ZNF385D: variants seen among roughly 807,000 people sequenced by gnomAD.
ZNF385D encodes zinc finger protein 385D, also known as zinc finger protein 659.
Under a neutral mutation model 35.8 loss-of-function variants are expected in ZNF385D, and 15 were observed. The observed-to-expected ratio is 0.42, with a 90% CI of 0.28 to 0.64. The LOEUF (loss-of-function observed/expected upper bound fraction) is 0.64. Ranked by LOEUF, ZNF385D falls within the 30% of genes least tolerant of loss-of-function variation. The pLI, the probability that ZNF385D is intolerant of heterozygous loss-of-function variation, is 0.23. For synonymous variants in ZNF385D, 212 were observed against 186.8 expected, an observed-to-expected ratio of 1.13 and a Z score of -1.10; for missense variants, 474 against 494.6, an observed-to-expected ratio of 0.96 and a Z score of 0.39.
intron 2 of ZNF385D, among the ~76,000 whole-genome samples, chr3:22,210,251 A>C (rs1355836055): frequency 6.6e-6 from 1 of 151,892 alleles, no homozygotes; most frequent in Non-Finnish European, 1.5e-5. Context: ...TCATTTTTAC[A>C]TTAATTAATA....
At chr3:22,363,145 G>A (rs1360803521) in intron 2 of ZNF385D, among the ~76,000 whole-genome samples, 1 of 117,606 alleles carries the variant, frequency 8.5e-6, no homozygotes, top group Admixed American at 8.7e-5. Context: ...TGGCAGCAGA[G>A]GGCAAGGTCT....
intron 3 of ZNF385D, among the ~76,000 whole-genome samples, chr3:21,964,636 C>A (rs537484727): frequency 6.6e-6 from 1 of 151,580 alleles, no homozygotes; most frequent in Non-Finnish European, 1.5e-5. Context: ...TTTACAGGTG[C>A]CTGCCACCAT....
intron 3 of ZNF385D, among the ~76,000 whole-genome samples, chr3:21,520,487 C>A (rs888620467): frequency 6.6e-6 from 1 of 152,126 alleles, no homozygotes; most frequent in African/African-American, 2.4e-5. Context: ...CTCTGTCATT[C>A]TTTGGCACTT....
intron 1 of ZNF385D, among the ~76,000 whole-genome samples, chr3:21,716,157 G>C (rs192890421): frequency 6.6e-6 from 1 of 151,982 alleles, no homozygotes; most frequent in African/African-American, 2.4e-5. Context: ...ACTCTTATAC[G>C]TGGCACCATC....
At chr3:21,517,917 A>G (rs1480547634) in intron 3 of ZNF385D, among the ~76,000 whole-genome samples, 1 of 152,200 alleles carries the variant, frequency 6.6e-6, no homozygotes, top group African/African-American at 2.4e-5. Context: ...CAATCTTAAC[A>G]TCATAGTGTG....
chr3:21,417,236 G>T lies in ZNF385D; in HGVS notation c.*3978C>A, dbSNP rs936164394. ...ATAAAAGCAATGCCCCTCTAGTGCT[G>T]ATGTATTAAACCAGCTTAGCTATTA... On this transcript the variant is annotated 3_prime_UTR_variant, in exon 8 of 8. Transcript: ENST00000281523. 2.0e-5 allele frequency: 3 copies of T among 152,020 alleles called. No homozygotes were observed. The highest frequency in any genetic ancestry group is 2.9e-5 in the Non-Finnish European group (2 of 67,978). The allele number at this position is 152,020 out of a possible 1,614,324, so 9.4% of individuals were successfully genotyped here. A position where few individuals can be genotyped will look rare whatever the true frequency, so the allele number is the denominator to read the frequency against.
At chr3:21,482,586 C>T (rs1486201215) in intron 4 of ZNF385D, among the ~76,000 whole-genome samples, 1 of 152,150 alleles carries the variant, frequency 6.6e-6, no homozygotes, top group South Asian at 2.1e-4. Context: ...CAAAGCTGAA[C>T]TTTTGCCCTT....
chr3:22,013,918 G>T (rs114756882), intron 3 of ZNF385D, among the ~76,000 whole-genome samples: 1 of 151,988 alleles, frequency 6.6e-6, no homozygotes, highest in South Asian at 2.1e-4. Context: ...CTTCAAGAAT[G>T]CTGAGTTAAG....
At chr3:21,989,019 C>G (rs569258878) in intron 3 of ZNF385D, among the ~76,000 whole-genome samples, 1 of 152,084 alleles carries the variant, frequency 6.6e-6, no homozygotes, top group Non-Finnish European at 1.5e-5. Context: ...GGCTCGCGCA[C>G]GGTGCGCGCA....
chr3:21,891,209 C>CGTTATTGTT (rs921067619), intron 3 of ZNF385D, among the ~76,000 whole-genome samples: 1 of 151,946 alleles, frequency 6.6e-6, no homozygotes, highest in Non-Finnish European at 1.5e-5. Context: ...ACAGATATTT[C>CGTTATTGTT]GTTATTGTTA....
chr3:22,372,157 G>A (rs923988015), intron 2 of ZNF385D, among the ~76,000 whole-genome samples: 5 of 152,110 alleles, frequency 3.3e-5, no homozygotes, highest in Non-Finnish European at 2.9e-5. Flanking sequence ...TTGGTTCTCG[G>A]CAATGAGCTG....
intron 1 of ZNF385D, among the ~76,000 whole-genome samples, chr3:21,704,131 T>TAC (rs1374091180): frequency 1.3e-5 from 2 of 152,204 alleles, no homozygotes; most frequent in African/African-American, 4.8e-5. Flanking sequence ...TAGAACAGAT[T>TAC]ACTCTAGGGT....
chr3:22,070,642 G>C (rs575660863), intron 3 of ZNF385D, among the ~76,000 whole-genome samples: 135 of 152,016 alleles, frequency 8.9e-4, no homozygotes, highest in African/African-American at 3.1e-3. Flanking sequence ...GTAAGTCCAG[G>C]GTAGAGGACA....
chr3:21,981,786 G>C (rs1295838195), intron 3 of ZNF385D, among the ~76,000 whole-genome samples: 2 of 152,098 alleles, frequency 1.3e-5, no homozygotes, highest in South Asian at 4.1e-4. Flanking sequence ...CTTATGGCTA[G>C]TCAGTTTTCC....
chr3:22,372,116 C>T (rs1170039260), intron 2 of ZNF385D, among the ~76,000 whole-genome samples: 1 of 151,108 alleles, frequency 6.6e-6, no homozygotes, highest in Non-Finnish European at 1.5e-5. Flanking sequence ...CCAGGCTGAC[C>T]TCGCCCCCCC....
intron 2 of ZNF385D, among the ~76,000 whole-genome samples, chr3:22,292,919 C>T (rs1215246299): frequency 1.3e-5 from 2 of 152,062 alleles, no homozygotes; most frequent in Non-Finnish European, 2.9e-5. Context: ...TTTCTATTGT[C>T]CCATCCCAGA....
intron 3 of ZNF385D, among the ~76,000 whole-genome samples, chr3:22,034,408 TTC>T: frequency 6.6e-6 from 1 of 152,262 alleles, no homozygotes; most frequent in African/African-American, 2.4e-5. Flanking sequence ...AGAAATTTAT[TTC>T]TGTTATTTAT....
chr3:22,168,833 C>A, exon 3 of ZNF385D: 1 of 985,792 alleles, frequency 1.0e-6, no homozygotes, highest in Non-Finnish European at 1.2e-6. Flanking sequence ...CATTTTTCAG[C>A]GTCCCATTGC....
chr3:22,089,248 A>G lies in ZNF385D; in HGVS notation c.325+79569T>C, dbSNP rs142116061. 1.8e-3 allele frequency among the ~76,000 whole-genome samples: 279 copies of G among 152,312 alleles called. 1 individual carries two copies. The highest frequency in any genetic ancestry group is 6.2e-3 in the African/African-American group (259 of 41,580). ...TACTTTCTTCACATTATATTACAGTACATGTCTATACTTGCTTGGAAAAAT... is the reference window on the plus strand; with the variant it reads ...TACTTTCTTCACATTATATTACAGTGCATGTCTATACTTGCTTGGAAAAAT... On this transcript the variant is annotated intron_variant, in intron 3 of 5. Transcript: ENST00000494108.
Sources: gnomAD v4.1 joint callset for allele counts (sites outside exome capture counted in the v4.1 genomes callset) on GRCh38, gnomAD v4.1.1 for gene constraint, MANE v1.5 for transcripts, NCBI Gene and HGNC (gene_info 2026-07-23, HGNC 2026-07-21) for gene names.